The following CFAP20DC variants were observed in gnomAD, a reference collection of about 807,000 sequenced individuals.
CFAP20DC encodes the protein CFAP20 domain containing, also known as protein CFAP20DC.
A neutral mutation model predicts 101.7 loss-of-function variants in CFAP20DC; 84 were observed. The observed-to-expected ratio is 0.83, with a 90% confidence interval of 0.69 to 0.99. The LOEUF (loss-of-function observed/expected upper bound fraction) is 0.99, where lower values mean the gene tolerates loss of function less well. CFAP20DC is among the 50% of genes least tolerant of loss of function. The pLI is 0.00. For missense variants in CFAP20DC, 1,007 were observed against 970.3 expected, an observed-to-expected ratio of 1.04 and a Z score of -0.50; for synonymous variants, 359 against 351.2, an observed-to-expected ratio of 1.02 and a Z score of -0.25.
At chr3:58,848,637 G>C (rs2077943422) in intron 13 of CFAP20DC, among the ~76,000 whole-genome samples, 1 of 152,054 alleles carries the variant, frequency 6.6e-6, no homozygotes, top group Non-Finnish European at 1.5e-5. Context: ...ATAGAATAAT[G>C]GTGTTTTTAT....
chr3:58,937,857 A>T, intron 4 of CFAP20DC, 95 bp from the exon 5 acceptor site: 1 of 698,654 alleles, frequency 1.4e-6, no homozygotes, highest in East Asian at 2.7e-5. Context: ...TATCATACAG[A>T]CCCTTTTCAA....
chr3:58,968,158 G>A (rs1167402360), intron 4 of CFAP20DC, among the ~76,000 whole-genome samples: 1 of 152,130 alleles, frequency 6.6e-6, no homozygotes, highest in Non-Finnish European at 1.5e-5. Context: ...TGTGAATAGT[G>A]CTGCCATGAA....
At chr3:58,999,594 T>C (rs1357393615) in intron 4 of CFAP20DC, among the ~76,000 whole-genome samples, 1 of 152,118 alleles carries the variant, frequency 6.6e-6, no homozygotes, top group East Asian at 1.9e-4. Flanking sequence ...AATGGACTCT[T>C]GGCCCTCTCC....
At chr3:58,983,130 T>C (rs543708217) in intron 4 of CFAP20DC, among the ~76,000 whole-genome samples, 82 of 152,322 alleles carry the variant, frequency 5.4e-4, no homozygotes, top group African/African-American at 1.8e-3. Flanking sequence ...CAGCTCAAAA[T>C]GATAAATCAT....
chr3:58,761,626 G>A (rs2069608829), intron 15 of CFAP20DC, among the ~76,000 whole-genome samples: 1 of 152,162 alleles, frequency 6.6e-6, no homozygotes, highest in Non-Finnish European at 1.5e-5. Context: ...TAATTGTGAT[G>A]TTAGGGTGTC....
At chr3:58,741,500 T>C (rs940928679), downstream of CFAP20DC, among the ~76,000 whole-genome samples, 4 of 140,034 alleles carry the variant, frequency 2.9e-5, no homozygotes, top group Non-Finnish European at 6.2e-5. Flanking sequence ...TGTCAAAATA[T>C]TTTTTTTTTT....
chr3:58,809,353 T>C (rs1426176619), intron 14 of CFAP20DC, among the ~76,000 whole-genome samples: 4 of 152,126 alleles, frequency 2.6e-5, no homozygotes, highest in Non-Finnish European at 5.9e-5. Flanking sequence ...ATAAATTGTC[T>C]CTCAGACCAC....
rs1210034384 is a variant in CFAP20DC at position 58,934,293 on chromosome 3, G to C, written c.393+3355C>G. On this transcript the variant is annotated intron_variant, in intron 5 of 16. Transcript: ENST00000482387. The stretch of plus-strand genomic sequence containing the variant: ...TGGCAATAATCAATAGCTTACTAAC[G>C]AAAAAGAGTCCAGGACCAGATGGAC... Among the ~76,000 whole-genome samples the C allele has an allele frequency of 1.6e-4, 24 of 152,108 alleles. No individual in the cohort carries two copies. In the East Asian group the frequency reaches 2.1e-3, roughly 13 times the overall value.
intron 15 of CFAP20DC, among the ~76,000 whole-genome samples, chr3:58,765,620 G>C (rs1349359373): frequency 6.6e-6 from 1 of 151,560 alleles, no homozygotes; most frequent in Non-Finnish European, 1.5e-5. Context: ...ATTTGGCGTA[G>C]TCACTATTTC....
rs536495612 is a variant in CFAP20DC at position 59,033,724 on chromosome 3, T to C, written c.278+5833A>G. Among the ~76,000 whole-genome samples the C allele has an allele frequency of 2.3e-4, 35 of 152,334 alleles. No individual in the cohort carries two copies. In the South Asian group the frequency reaches 4.8e-3, roughly 21 times the overall value. On this transcript the variant is annotated intron_variant, in intron 4 of 16. Transcript: ENST00000482387. ...GTGAAAATACCAAACCTATGTTTGA[T>C]TGGTGTACCTGAAAGTGATGGGGAG... is the stretch of plus-strand genomic sequence containing the variant.
chr3:58,814,432 T>G (rs1412245594), intron 14 of CFAP20DC, among the ~76,000 whole-genome samples: 2 of 151,428 alleles, frequency 1.3e-5, no homozygotes, highest in East Asian at 3.9e-4. Flanking sequence ...AAGCATTCCC[T>G]TTGAAAACTG....
intron 4 of CFAP20DC, among the ~76,000 whole-genome samples, chr3:58,952,896 C>T (rs1341378201): frequency 1.3e-5 from 2 of 151,982 alleles, no homozygotes; most frequent in African/African-American, 2.4e-5. Context: ...TTATTGAGCA[C>T]CTACTTGCTC....
chr3:59,023,026 G>A (rs530800643), intron 4 of CFAP20DC, among the ~76,000 whole-genome samples: 3 of 152,218 alleles, frequency 2.0e-5, no homozygotes, highest in Admixed American at 1.3e-4. Flanking sequence ...GGAGAGAAAT[G>A]CACTTCATAC....
chr3:58,836,794 T>TA (rs2076767189), intron 13 of CFAP20DC, among the ~76,000 whole-genome samples: 1 of 152,106 alleles, frequency 6.6e-6, no homozygotes, highest in African/African-American at 2.4e-5. Flanking sequence ...TGTAACTTTT[T>TA]AAAAAAGCAC....
intron 15 of CFAP20DC, among the ~76,000 whole-genome samples, chr3:58,773,996 T>G (rs561959397): frequency 5.3e-4 from 81 of 152,130 alleles, no homozygotes; most frequent in African/African-American, 1.4e-3. Flanking sequence ...CTTTCAAATT[T>G]TTTTTTTTTT....
chr3:58,816,718 C>T (rs890235245), intron 14 of CFAP20DC, among the ~76,000 whole-genome samples: 29 of 152,114 alleles, frequency 1.9e-4, no homozygotes, highest in African/African-American at 5.8e-4. Context: ...GGGGGAGGGG[C>T]GCCCGCCATT....
chr3:58,742,429 G>T lies in CFAP20DC; in HGVS notation c.*31C>A. The T allele has an allele frequency of 6.4e-7, 1 of 1,569,866 alleles. No homozygotes were observed. Among genetic ancestry groups the T allele is most frequent in the Non-Finnish European group, 8.6e-7 (1 of 1,157,584 alleles). On this transcript the variant is annotated 3_prime_UTR_variant, in exon 17 of 17. Transcript: ENST00000482387. ...TGAACTGCTATTCTGCTCCAGCTGG[G>T]AGTGCCTGCTCTCTGCCCCGGAAGG...
At chr3:58,727,391 A>G (rs1477655929) in intron 3 of CFAP20DC, 3 of 152,260 alleles carry the variant, frequency 2.0e-5, no homozygotes, top group African/African-American at 7.2e-5. Context: ...CTTCTTATCT[A>G]TTTAATTCTG....
chr3:58,992,459 CAT>C (rs1576624727), intron 4 of CFAP20DC: 6 of 543,118 alleles, frequency 1.1e-5, no homozygotes, highest in Non-Finnish European at 1.4e-5. Context: ...AGTTGAATGA[CAT>C]ATTGGTCAGA....
Sources: allele counts gnomAD v4.1 joint callset (sites outside exome capture counted in the v4.1 genomes callset), GRCh38; gene constraint gnomAD v4.1.1; transcripts MANE v1.5; gene names NCBI Gene and HGNC (gene_info 2026-07-23, HGNC 2026-07-21).